MACROD2: variants seen among roughly 807,000 people sequenced by gnomAD.
The protein encoded by MACROD2 is ADP-ribose glycohydrolase MACROD2.
A neutral mutation model predicts 70.4 loss-of-function variants in MACROD2; 36 were observed. The observed-to-expected ratio is 0.51, with a 90% confidence interval of 0.39 to 0.68. The LOEUF is 0.68. Among genes scored for constraint, MACROD2 ranks in the 30% least tolerant of loss-of-function variants. The pLI is 0.00. For synonymous variants in MACROD2, 172 were observed against 178.8 expected (o/e 0.96, Z 0.30); for missense variants, 496 against 538.4 (o/e 0.92, Z 0.78).
chr20:15,174,514 T>C (rs1256593270), intron 5 of MACROD2, among the ~76,000 whole-genome samples: 1 of 152,178 alleles, frequency 6.6e-6, no homozygotes, highest in African/African-American at 2.4e-5. Flanking sequence ...TTTGGGTATA[T>C]GCCCAGTAAT....
chr20:15,937,944 C>T lies in MACROD2; in HGVS notation c.907+400C>T, dbSNP rs573034491. ...CATTTGAGGACCACCAACCAGGGAG[C>T]ACCATTTTTCAAAAAAGAAATGTTT... On this transcript the variant is annotated intron_variant, in intron 12 of 17. Transcript: ENST00000684519. Among the ~76,000 whole-genome samples, 5 of 151,852 alleles carry T rather than the reference C, an allele frequency of 3.3e-5. No homozygotes were observed. In the South Asian group the frequency reaches 1.0e-3, roughly 32 times the overall value.
intron 5 of MACROD2, among the ~76,000 whole-genome samples, chr20:14,768,836 C>T (rs2072127890): frequency 6.6e-6 from 1 of 152,034 alleles, no homozygotes; most frequent in Admixed American, 6.6e-5. Context: ...GAGTGAACAG[C>T]CATAAAGATC....
At chr20:15,760,992 A>G (rs1158212031) in intron 8 of MACROD2, among the ~76,000 whole-genome samples, 1 of 152,254 alleles carries the variant, frequency 6.6e-6, no homozygotes, top group African/African-American at 2.4e-5. Context: ...TCAAGAGTCC[A>G]TAACATGAAT....
intron 5 of MACROD2, among the ~76,000 whole-genome samples, chr20:14,933,561 T>C (rs1402808917): frequency 6.6e-6 from 1 of 151,706 alleles, no homozygotes; most frequent in African/African-American, 2.4e-5. Context: ...GGCCAGGAGA[T>C]TGAGGCTGCA....
chr20:15,384,821 T>C (rs958510202), intron 6 of MACROD2, among the ~76,000 whole-genome samples: 16 of 152,210 alleles, frequency 1.1e-4, no homozygotes, highest in Non-Finnish European at 2.2e-4. Flanking sequence ...TATAGAACTA[T>C]CATTCACTCT....
rs1301038433 is a variant in MACROD2 at position 15,884,991 on chromosome 20, C to T, written c.728-773C>T. 3.3e-5 allele frequency among the ~76,000 whole-genome samples: 5 copies of T among 152,040 alleles called. No homozygotes were observed. In the East Asian group the frequency reaches 9.7e-4, roughly 29 times the overall value. On this transcript the variant is annotated intron_variant, in intron 9 of 17. Transcript: ENST00000684519. ...ATCCACAGGGCTCCTTTCTTATGAT[C>T]TAATCAACTTCCAAAGGCCTCACCT... is the stretch of plus-strand genomic sequence containing the variant.
At chr20:14,643,019 T>G (rs1178119339) in intron 4 of MACROD2, among the ~76,000 whole-genome samples, 3 of 152,084 alleles carry the variant, frequency 2.0e-5, no homozygotes, top group Non-Finnish European at 4.4e-5. Context: ...AAAAATAGAA[T>G]AAAATCTTAG....
chr20:15,608,103 A>G (rs560746986), intron 8 of MACROD2, among the ~76,000 whole-genome samples: 8 of 152,352 alleles, frequency 5.3e-5, no homozygotes, highest in Non-Finnish European at 8.8e-5. Context: ...TACTGGTTAC[A>G]GGGCATGATA....
intron 4 of MACROD2, among the ~76,000 whole-genome samples, chr20:14,552,683 CAAACTT>C (rs969196496): frequency 7.9e-5 from 12 of 152,054 alleles, no homozygotes; most frequent in Non-Finnish European, 1.3e-4. Flanking sequence ...TCCTAGGCTA[CAAACTT>C]GTACAGCATG....
intron 8 of MACROD2, among the ~76,000 whole-genome samples, chr20:15,744,268 A>G (rs1160212631): frequency 1.3e-5 from 2 of 152,246 alleles, no homozygotes; most frequent in Non-Finnish European, 2.9e-5. Context: ...AAATAATATG[A>G]TTAGTTCAAA....
intron 8 of MACROD2, among the ~76,000 whole-genome samples, chr20:15,848,083 ATGT>A (rs1329169226): frequency 6.6e-6 from 1 of 152,212 alleles, no homozygotes; most frequent in South Asian, 2.1e-4. Context: ...TTCATAATAA[ATGT>A]TGTTTTAAAA....
intron 5 of MACROD2, among the ~76,000 whole-genome samples, chr20:15,030,204 G>A (rs1179081710): frequency 2.0e-5 from 3 of 152,120 alleles, no homozygotes; most frequent in South Asian, 4.1e-4. Flanking sequence ...ACTGTGGAAG[G>A]TCCCTTTGCA....
At position 15,230,046 on chromosome 20, in the gene MACROD2, T is replaced by C; in HGVS notation, c.525T>C (p.Asn175=). 1 of 1,613,288 alleles carries C rather than the reference T, an allele frequency of 6.2e-7. No individual in the cohort carries two copies. Among genetic ancestry groups the C allele is most frequent in the Non-Finnish European group, 8.5e-7 (1 of 1,179,588 alleles). Residue 175 remains asparagine, a synonymous_variant, in exon 6 of 18, where the codon AAT becomes AAC. Coordinates refer to ENST00000684519, the MANE Select transcript of MACROD2 (RefSeq NM_001351661.2). ...YKSSLKLVKE[N]NIRSVAFPCI... is the part of the protein sequence containing the mutation. ...CATCTCTGAAGCTCGTGAAAGAAAA[T>C]AACATCCGATCAGTTGTAAGTAATT...
intron 3 of MACROD2, among the ~76,000 whole-genome samples, chr20:14,201,378 T>G (rs1450062645): frequency 6.6e-6 from 1 of 152,234 alleles, no homozygotes. Flanking sequence ...AAATTATAGT[T>G]AGGCTCATAA....
intron 15 of MACROD2, among the ~76,000 whole-genome samples, chr20:16,035,301 C>G (rs1221235886): frequency 6.6e-6 from 1 of 150,608 alleles, no homozygotes; most frequent in Non-Finnish European, 1.5e-5. Context: ...GTGAATTGTG[C>G]TGCTATAAAC....
chr20:15,949,502 A>G (rs985045042), intron 12 of MACROD2, among the ~76,000 whole-genome samples: 1 of 152,202 alleles, frequency 6.6e-6, no homozygotes, highest in African/African-American at 2.4e-5. Flanking sequence ...CCAGTACACC[A>G]TAGGGCGTGC....
At chr20:14,997,432 T>G (rs970607954) in intron 5 of MACROD2, among the ~76,000 whole-genome samples, 1 of 152,074 alleles carries the variant, frequency 6.6e-6, no homozygotes, top group African/African-American at 2.4e-5. Context: ...TCCACAGGCC[T>G]CGGGTGAGAC....
chr20:15,800,104 C>T (rs77667845), intron 8 of MACROD2, among the ~76,000 whole-genome samples: 38 of 152,212 alleles, frequency 2.5e-4, no homozygotes, highest in African/African-American at 8.9e-4. Flanking sequence ...AATGTCCATT[C>T]AGATTTTGGC....
At chr20:15,809,351 G>A (rs753528230) in intron 8 of MACROD2, among the ~76,000 whole-genome samples, 25 of 152,090 alleles carry the variant, frequency 1.6e-4, no homozygotes, top group Admixed American at 5.9e-4. Context: ...TATTTGTGTT[G>A]CTATAAAGTA....
Sources: gnomAD v4.1 joint callset for allele counts (sites outside exome capture counted in the v4.1 genomes callset) on GRCh38, gnomAD v4.1.1 for gene constraint, MANE v1.5 for transcripts, NCBI Gene and HGNC (gene_info 2026-07-23, HGNC 2026-07-21) for gene names.